The following WDFY4 variants were observed in gnomAD, a reference collection of about 807,000 sequenced individuals.
WDFY4 encodes the protein WDFY family member 4.
WDFY4 carries 169 observed loss-of-function variants against 351.9 expected under a neutral mutation model. The observed-to-expected ratio is 0.48, with a 90% CI of 0.42 to 0.55. The LOEUF is 0.55. WDFY4 is among the 20% of genes least tolerant of loss of function. The probability of loss-of-function intolerance (pLI) is 0.00; values close to 1 mark genes in which losing one functional copy is unlikely to be tolerated. For synonymous variants in WDFY4, 1,622 were observed against 1,574.6 expected (o/e 1.03, Z -0.71); for missense variants, 3,803 against 3,935.6 (o/e 0.97, Z 0.90).
At position 48,820,280 on chromosome 10, in the gene WDFY4, C is replaced by A. The variant is rs1446005759; in HGVS notation, c.5552C>A (p.Ala1851Glu). 1 of 1,551,562 alleles carries A rather than the reference C, an allele frequency of 6.4e-7. No individual in the cohort carries two copies. Among genetic ancestry groups the A allele is most frequent in the Non-Finnish European group, 8.7e-7 (1 of 1,146,990 alleles). Residue 1851 changes from alanine to glutamate, a missense_variant, in exon 33 of 62, where the codon GCA becomes GAA. Coordinates refer to ENST00000325239, the MANE Select transcript of WDFY4 (RefSeq NM_001394531.1). ...CGGAACACCAGCAGTCCTGAGGCCG[C>A]AGCTGAAGGCGACAGCACAGTGGAG... is the stretch of plus-strand genomic sequence containing the variant. ...STRNTSSPEA[A>E]AEGDSTVEGL...
intron 1 of WDFY4, among the ~76,000 whole-genome samples, chr10:48,705,151 T>C (rs949446559): frequency 6.6e-6 from 1 of 152,202 alleles, no homozygotes; most frequent in Non-Finnish European, 1.5e-5. Flanking sequence ...GTTTAACAGG[T>C]TGATTTTTAT....
In WDFY4 at chr10:48,724,682, A is replaced by G. The variant is rs938327969; in HGVS notation, c.591+1115A>G. ...CTGTTACTTCATTTCACAAAAATAT[A>G]CAGAGCCCCTACTGTGCGCAGCTCT... is the stretch of plus-strand genomic sequence containing the variant. On this transcript the variant is annotated intron_variant, in intron 5 of 61. Transcript: ENST00000325239. Among the ~76,000 whole-genome samples, 5 of 152,164 alleles carry G rather than the reference A, an allele frequency of 3.3e-5. No individual in the cohort carries two copies. The East Asian group carries it at 7.7e-4, about 24-fold the overall frequency.
At chr10:48,718,290 C>T (rs540270115) in intron 2 of WDFY4, among the ~76,000 whole-genome samples, 9 of 152,076 alleles carry the variant, frequency 5.9e-5, no homozygotes, top group African/African-American at 1.9e-4. Context: ...TGAATATTTT[C>T]TCCCAATTTG....
intron 15 of WDFY4, 141 bp from the exon 16 acceptor site, chr10:48,776,609 C>G (rs2066038392): frequency 9.7e-6 from 8 of 826,102 alleles, no homozygotes; most frequent in African/African-American, 1.7e-5. Context: ...AGGGAGCCAC[C>G]CTCGCTGGTG....
chr10:48,726,186 C>G, intron 6 of WDFY4, 116 bp downstream of exon 6: 1 of 1,232,944 alleles, frequency 8.1e-7, no homozygotes, highest in South Asian at 1.7e-5. Context: ...CTTGCAGCCT[C>G]TTATAGAATT....
intron 1 of WDFY4, among the ~76,000 whole-genome samples, chr10:48,695,947 C>T (rs1032235635): frequency 3.9e-5 from 6 of 152,080 alleles, no homozygotes; most frequent in South Asian, 2.1e-4. Flanking sequence ...TGTGTGCTGA[C>T]CAGGAGCCCA....
intron 40 of WDFY4, among the ~76,000 whole-genome samples, chr10:48,871,743 C>G (rs996929695): frequency 1.3e-5 from 2 of 152,154 alleles, no homozygotes; most frequent in South Asian, 4.1e-4. Flanking sequence ...TCTGAAAGCT[C>G]TGGGATTAGA....
At chr10:48,758,513 A>G (rs184477561) in intron 12 of WDFY4, among the ~76,000 whole-genome samples, 21 of 152,304 alleles carry the variant, frequency 1.4e-4, no homozygotes, top group Admixed American at 1.2e-3. Flanking sequence ...CTTTCATACC[A>G]TACTCTTTCT....
rs371489342 is a variant in WDFY4 at position 48,790,875 on chromosome 10, T to C, written c.4215T>C (p.Asn1405=). The C allele has an allele frequency of 1.9e-6, 3 of 1,551,634 alleles. No homozygotes were observed. The highest frequency in any genetic ancestry group is 1.2e-5 in the South Asian group (1 of 84,068). ...VKVLHSVLTS[N]AMCDFLMQHI... ...TTCTGCACTCGGTCCTGACCAGTAATGCCATGTGTGACTTCCTGATGCAAC... is the reference window on the plus strand; with the variant it reads ...TTCTGCACTCGGTCCTGACCAGTAACGCCATGTGTGACTTCCTGATGCAAC... Residue 1405 remains asparagine, a synonymous_variant, in exon 23 of 62, where the codon AAT becomes AAC. Transcript: ENST00000325239.
Position 48,910,296 on chromosome 10 carries a change from C to G in WDFY4, c.7586+8433C>G, listed in dbSNP as rs373806349. ...ACACAAGAAGGTGAGGCAATTGCTC[C>G]AGGCCACAGAGGCAAACACAGCAAG... On this transcript the variant is annotated intron_variant, in intron 47 of 61. Coordinates refer to ENST00000325239, the MANE Select transcript of WDFY4 (RefSeq NM_001394531.1). 19 of 1,605,230 alleles carry G rather than the reference C, an allele frequency of 1.2e-5. No individual in the cohort carries two copies. The African/African-American group carries it at 2.3e-4, about 19-fold the overall frequency.
intron 43 of WDFY4, 30 bp downstream of exon 43, chr10:48,877,229 G>C (rs531465924): frequency 9.1e-6 from 14 of 1,535,572 alleles, no homozygotes; most frequent in Non-Finnish European, 1.1e-5. Context: ...TAGCCTTTAA[G>C]ATTTTTAAGT....
At chr10:48,941,019 C>T (rs1413341998) in intron 47 of WDFY4, among the ~76,000 whole-genome samples, 1 of 152,118 alleles carries the variant, frequency 6.6e-6, no homozygotes, top group Non-Finnish European at 1.5e-5. Context: ...ACTTTTTAAC[C>T]CAGTAGCACC....
In WDFY4 at chr10:48,943,253, G is replaced by A. The variant is rs143125987; in HGVS notation, c.7630-77G>A. 1.1e-4 allele frequency: 167 copies of A among 1,508,596 alleles called. 1 individual carries two copies. The African/African-American group carries it at 1.7e-3, about 15-fold the overall frequency. 93.5% of individuals were successfully genotyped at this position (1,508,596 alleles called of 1,614,324 possible). Reference sequence around the variant, plus strand: ...CCACAGAGCCAGGGCCTGCTGCCGAGGCCTGAGGGTGGGACCCATGGCTTT... The same window carrying A: ...CCACAGAGCCAGGGCCTGCTGCCGAAGCCTGAGGGTGGGACCCATGGCTTT... On this transcript the variant is annotated intron_variant, in intron 48 of 61. Coordinates refer to ENST00000325239, the MANE Select transcript of WDFY4 (RefSeq NM_001394531.1).
intron 61 of WDFY4, 116 bp downstream of exon 61, chr10:48,981,594 G>C (rs1334353504): frequency 2.2e-6 from 2 of 892,294 alleles, no homozygotes; most frequent in African/African-American, 1.7e-5. Flanking sequence ...TTCACTCCAG[G>C]ACATGGCCCC....
At chr10:48,896,308 C>T (rs539682523) in intron 44 of WDFY4, among the ~76,000 whole-genome samples, 2 of 152,298 alleles carry the variant, frequency 1.3e-5, no homozygotes, top group African/African-American at 4.8e-5. Context: ...AGTACCTTGA[C>T]CTGGGATGTG....
intron 39 of WDFY4, among the ~76,000 whole-genome samples, chr10:48,851,113 G>A (rs2068942638): frequency 6.6e-6 from 1 of 152,180 alleles, no homozygotes; most frequent in Non-Finnish European, 1.5e-5. Context: ...GTATGGAAGG[G>A]CATCTGGCCA....
Position 48,982,642 on chromosome 10 carries a change from C to A in WDFY4, c.*67C>A. Reference sequence around the variant, plus strand: ...CTGAGGGTGGCAGAGGTGACTGGGGCCTGAGCTCTGCCTACAGAAGAAACC... The same window carrying A: ...CTGAGGGTGGCAGAGGTGACTGGGGACTGAGCTCTGCCTACAGAAGAAACC... On this transcript the variant is annotated 3_prime_UTR_variant, in exon 62 of 62. Coordinates refer to ENST00000325239, the MANE Select transcript of WDFY4 (RefSeq NM_001394531.1). 6.7e-7 allele frequency: 1 copy of A among 1,487,356 alleles called. No individual in the cohort carries two copies. Among genetic ancestry groups the A allele is most frequent in the South Asian group, 1.2e-5 (1 of 82,390 alleles). The allele number at this position is 1,487,356 out of a possible 1,614,324, so 92.1% of individuals were successfully genotyped here. A position where few individuals can be genotyped will look rare whatever the true frequency, so the allele number is the denominator to read the frequency against.
rs79264068 is a variant in WDFY4 at position 48,710,788 on chromosome 10, C to T, written c.234+822C>T. 1.0e-3 allele frequency among the ~76,000 whole-genome samples: 155 copies of T among 152,324 alleles called. 4 individuals are homozygous for T. The East Asian group carries it at 0.027, about 27-fold the overall frequency. On this transcript the variant is annotated intron_variant, in intron 2 of 61. Transcript: ENST00000325239. Reference sequence around the variant, plus strand: ...CACTCACATCCCGGTCACAGCTCCACGAAGGAAACCAGCGCATCTACTGGG... The same window carrying T: ...CACTCACATCCCGGTCACAGCTCCATGAAGGAAACCAGCGCATCTACTGGG...
intron 12 of WDFY4, among the ~76,000 whole-genome samples, chr10:48,759,629 G>A (rs2065440658): frequency 6.6e-6 from 1 of 152,140 alleles, no homozygotes; most frequent in Non-Finnish European, 1.5e-5. Context: ...AAAATCCCAG[G>A]GGATTTCCTC....
Sources: gnomAD v4.1 joint callset for allele counts (sites outside exome capture counted in the v4.1 genomes callset) on GRCh38, gnomAD v4.1.1 for gene constraint, MANE v1.5 for transcripts, NCBI Gene and HGNC (gene_info 2026-07-23, HGNC 2026-07-21) for gene names.